Variants in DHTKD1 observed in about 807,000 individuals in gnomAD.
The protein encoded by DHTKD1 is dehydrogenase E1 and transketolase domain containing 1.
DHTKD1 carries 78 observed loss-of-function variants against 101.8 expected under a neutral mutation model. The observed-to-expected ratio is 0.77, with a 90% CI of 0.64 to 0.93. The LOEUF (loss-of-function observed/expected upper bound fraction) is 0.93, where lower values mean the gene tolerates loss of function less well. DHTKD1 is among the 40% of genes least tolerant of loss of function. The pLI is 0.00. For synonymous variants in DHTKD1, 462 were observed against 450.3 expected (o/e 1.03, Z -0.33); for missense variants, 1,223 against 1,161.7 (o/e 1.05, Z -0.77).
At position 12,103,828 on chromosome 10, in the gene DHTKD1, A is replaced by AT. The variant is rs1229455188; in HGVS notation, c.1897-2411dup. On this transcript the variant is annotated intron_variant, in intron 10 of 16. Transcript: ENST00000263035. This position sits in a 1 kb window ranked among gnomAD's most constrained non-coding sequence, Gnocchi z 4.8. Reference sequence around the variant, plus strand: ...GCCGTGCCCAGCCTAGAGGGTTTTTATTTTTTTAAGTAAAAGCTTTATTGA... The same window carrying AT: ...GCCGTGCCCAGCCTAGAGGGTTTTTATTTTTTTTAAGTAAAAGCTTTATTGA... Among the ~76,000 whole-genome samples, 1 of 151,912 alleles carries AT rather than the reference A, an allele frequency of 6.6e-6. No homozygotes were observed. The highest frequency in any genetic ancestry group is 2.4e-5 in the African/African-American group (1 of 41,346).
At chr10:12,069,922 C>G (rs1456271456) in intron 1 of DHTKD1, among the ~76,000 whole-genome samples, 1 of 152,050 alleles carries the variant, frequency 6.6e-6, no homozygotes, top group Admixed American at 6.6e-5. Flanking sequence ...AGGACCATCT[C>G]TGAGGCTTCT....
rs555266227 is a variant in DHTKD1, at chr10:12,074,040, A to C, written c.154+4853A>C. Reference sequence around the variant, plus strand: ...TGGCTTCGTTACGGACTTAAACATCAAATCTAATTCCTGTGACCTTTTGCA... The same window carrying C: ...TGGCTTCGTTACGGACTTAAACATCCAATCTAATTCCTGTGACCTTTTGCA... On this transcript the variant is annotated intron_variant, in intron 1 of 16. Coordinates refer to ENST00000263035, the MANE Select transcript of DHTKD1 (RefSeq NM_018706.7). 5.3e-5 allele frequency among the ~76,000 whole-genome samples: 8 copies of C among 152,312 alleles called. No individual in the cohort carries two copies. In the East Asian group the frequency reaches 1.5e-3, roughly 29 times the overall value.
At chr10:12,086,943 T>C (rs942344816) in intron 3 of DHTKD1, among the ~76,000 whole-genome samples, 2 of 152,186 alleles carry the variant, frequency 1.3e-5, no homozygotes, top group African/African-American at 4.8e-5. Flanking sequence ...TGCCTTGGCC[T>C]CCCGAAGTGC....
chr10:12,120,916 T>C lies in DHTKD1; in HGVS notation c.*28T>C. ...ATGACTTTTGAAGAAACACTATTTCTCTTTAAGAAAATGGCCATTAAGGCC... is the reference window on the plus strand; with the variant it reads ...ATGACTTTTGAAGAAACACTATTTCCCTTTAAGAAAATGGCCATTAAGGCC... On this transcript the variant is annotated 3_prime_UTR_variant, in exon 17 of 17. Coordinates refer to ENST00000263035, the MANE Select transcript of DHTKD1 (RefSeq NM_018706.7). The C allele has an allele frequency of 6.2e-7, 1 of 1,608,584 alleles. No homozygotes were observed. The highest frequency in any genetic ancestry group is 8.5e-7 in the Non-Finnish European group (1 of 1,176,290).
At position 12,098,401 on chromosome 10, in the gene DHTKD1, G is replaced by A. The variant is rs2062985; in HGVS notation, c.1671+405G>A. ...CCCCCTAAACATGCTCATGTTTTACGTATTGTCTTAGGATCACTATAGGAT... is the reference window on the plus strand; with the variant it reads ...CCCCCTAAACATGCTCATGTTTTACATATTGTCTTAGGATCACTATAGGAT... On this transcript the variant is annotated intron_variant, in intron 8 of 16. Coordinates refer to ENST00000263035, the MANE Select transcript of DHTKD1 (RefSeq NM_018706.7). 9.9e-3 allele frequency among the ~76,000 whole-genome samples: 1,509 copies of A among 152,222 alleles called. 69 individuals carry two copies. The highest frequency in any genetic ancestry group is 0.078 in the Admixed American group (1,193 of 15,268).
intron 12 of DHTKD1, among the ~76,000 whole-genome samples, chr10:12,109,803 A>C (rs753404361): frequency 6.6e-6 from 1 of 151,984 alleles, no homozygotes; most frequent in Non-Finnish European, 1.5e-5. Flanking sequence ...GTCTCTACTA[A>C]AAATAAATAA....
chr10:12,076,259 C>G (rs1471543183), intron 1 of DHTKD1, among the ~76,000 whole-genome samples: 1 of 152,164 alleles, frequency 6.6e-6, no homozygotes, highest in East Asian at 1.9e-4. Context: ...GGGCGGATCA[C>G]GAGGTCAGGA....
At position 12,094,626 on chromosome 10, in the gene DHTKD1, C is replaced by G. The variant is rs1406514623; in HGVS notation, c.1358+355C>G. Among the ~76,000 whole-genome samples the G allele has an allele frequency of 3.9e-5, 6 of 152,266 alleles. No homozygotes were observed. In the South Asian group the frequency reaches 1.2e-3, roughly 32 times the overall value. Reference sequence around the variant, plus strand: ...TGCTGGGATTACAGGCATGAGCCACCATGCCCAGGCAGGACATGAAACTTT... The same window carrying G: ...TGCTGGGATTACAGGCATGAGCCACGATGCCCAGGCAGGACATGAAACTTT... On this transcript the variant is annotated intron_variant, in intron 7 of 16. Transcript: ENST00000263035.
chr10:12,100,287 G>GTTTTTTTTTTTTGTTT lies in DHTKD1; in HGVS notation c.1756+37_1756+38insGTTTTTTTTTTTTTTT, dbSNP rs1554793010. 6.1e-4 allele frequency: 165 copies of GTTTTTTTTTTTTGTTT among 272,118 alleles called. 1 individual carries two copies. The highest frequency in any genetic ancestry group is 4.2e-3 in the Middle Eastern group (3 of 706). 16.9% of individuals were successfully genotyped at this position (272,118 alleles called of 1,614,324 possible). A position where few individuals can be genotyped will look rare whatever the true frequency, so the allele number is the denominator to read the frequency against. On this transcript the variant is annotated intron_variant, in intron 9 of 16. Transcript: ENST00000263035. ...GGTAAGAATTTTCTTTTTTTTTTCT[G>GTTTTTTTTTTTTGTTT]TTTTTTTTTTTTTTGAGTCTCACCC...
intron 10 of DHTKD1, among the ~76,000 whole-genome samples, chr10:12,104,833 G>A (rs1164624870): frequency 6.6e-6 from 1 of 151,788 alleles, no homozygotes; most frequent in East Asian, 1.9e-4. Context: ...AATGAACACA[G>A]ACATGACTAC....
In DHTKD1 at chr10:12,111,973, G is replaced by T. The variant is rs565563075; in HGVS notation, c.2155-927G>T. The stretch of plus-strand genomic sequence containing the variant: ...AAGTGGGGATTAACTAGGTTTATGG[G>T]TTGGAGTGAAGGGTCATGGGAATCA... On this transcript the variant is annotated intron_variant, in intron 12 of 16. Transcript: ENST00000263035. Among the ~76,000 whole-genome samples, 3 of 152,166 alleles carry T rather than the reference G, an allele frequency of 2.0e-5. No homozygotes were observed. The East Asian group carries it at 5.8e-4, about 29-fold the overall frequency.
At chr10:12,096,471 G>A (rs1195438072) in intron 7 of DHTKD1, among the ~76,000 whole-genome samples, 1 of 151,944 alleles carries the variant, frequency 6.6e-6, no homozygotes, top group African/African-American at 2.4e-5. Context: ...CTGTAGCCTC[G>A]ACTTCCTGGG....
At chr10:12,076,676 C>T (rs974729838) in intron 1 of DHTKD1, among the ~76,000 whole-genome samples, 1 of 151,258 alleles carries the variant, frequency 6.6e-6, no homozygotes, top group Non-Finnish European at 1.5e-5. Context: ...CTTTTTTTCT[C>T]GGGACGGAGT....
chr10:12,081,520 A>T lies in DHTKD1; in HGVS notation c.203A>T (p.His68Leu). 1 of 1,614,142 alleles carries T rather than the reference A, an allele frequency of 6.2e-7. No homozygotes were observed. The highest frequency in any genetic ancestry group is 2.2e-5 in the East Asian group (1 of 44,878). ...RLVTVYCEHG[H>L]KAAKINPLFT... ...GTGACAGTATATTGTGAGCATGGTC[A>T]TAAAGCTGCCAAAATCAACCCCCTC... The change falls in exon 2 of 17, where the codon CAT (histidine) becomes CTT (leucine). Residue 68 changes from histidine to leucine, a missense_variant. Transcript: ENST00000263035.
rs1241283763 is a variant in DHTKD1, at chr10:12,122,539, AC to A, written c.*1654del. ...AGGCTGAGGCAGGAGAATCGCTTGA[AC>A]CCAGGAGGTGGAGGTTGCAGTGAGC... On this transcript the variant is annotated 3_prime_UTR_variant, in exon 17 of 17. Transcript: ENST00000263035. The A allele has an allele frequency of 6.6e-6, 1 of 152,030 alleles. No homozygotes were observed. Among genetic ancestry groups the A allele is most frequent in the Non-Finnish European group, 1.5e-5 (1 of 68,084 alleles). 9.4% of individuals were successfully genotyped at this position (152,030 alleles called of 1,614,324 possible). A position where few individuals can be genotyped will look rare whatever the true frequency, so the allele number is the denominator to read the frequency against.
chr10:12,114,763 CTTGGTTGGTTGGTTGGTTGG>C (rs140140326), intron 13 of DHTKD1, among the ~76,000 whole-genome samples: 9 of 150,382 alleles, frequency 6.0e-5, no homozygotes, highest in Non-Finnish European at 1.0e-4. Flanking sequence ...GCTTCCACCC[CTTGGTTGGTTGGTTGGTTGG>C]TTGGTTGGTT....
rs199768968 is a variant in DHTKD1, at chr10:12,069,066, G to A, written c.33G>A (p.Arg11=). ...CTGCTACTGCGGCAGCAGCACGACG[G>A]GGCCTCGGCCGGGCTCTCCCTCTCT... is the stretch of plus-strand genomic sequence containing the variant. The part of the protein sequence containing the change: MASATAAAAR[R]GLGRALPLFW... Residue 11 remains arginine (R), a synonymous_variant, in exon 1 of 17, where the codon CGG becomes CGA. Coordinates refer to ENST00000263035, the MANE Select transcript of DHTKD1 (RefSeq NM_018706.7). 3.5e-4 allele frequency: 559 copies of A among 1,613,094 alleles called. 1 individual carries two copies. The highest frequency in any genetic ancestry group is 4.4e-4 in the Non-Finnish European group (517 of 1,179,632).
intron 12 of DHTKD1, among the ~76,000 whole-genome samples, chr10:12,108,696 T>C (rs1039007239): frequency 1.3e-5 from 2 of 152,218 alleles, no homozygotes; most frequent in African/African-American, 2.4e-5. Flanking sequence ...ATGAAGACTT[T>C]CAGATATACA....
Position 12,087,335 on chromosome 10 carries a change from C to T in DHTKD1, c.523-200C>T, listed in dbSNP as rs1370966195. Reference sequence around the variant, plus strand: ...TGCCGCTCAGGTTATTCTCCTCAGCCCCTCCTACTGTCCCGGATCCTAGGA... The same window carrying T: ...TGCCGCTCAGGTTATTCTCCTCAGCTCCTCCTACTGTCCCGGATCCTAGGA... On this transcript the variant is annotated intron_variant, in intron 3 of 16. Transcript: ENST00000263035. This position sits in a 1 kb window ranked among gnomAD's most constrained non-coding sequence, Gnocchi z 5.2. 6.6e-6 allele frequency among the ~76,000 whole-genome samples: 1 copy of T among 152,026 alleles called. No individual in the cohort carries two copies. The highest frequency in any genetic ancestry group is 1.5e-5 in the Non-Finnish European group (1 of 67,990).
Sources: gnomAD v4.1 joint callset for allele counts (sites outside exome capture counted in the v4.1 genomes callset) on GRCh38, gnomAD v4.1.1 for gene constraint, Gnocchi (gnomAD v3.1) non-coding constraint, MANE v1.5 for transcripts, NCBI Gene and HGNC (gene_info 2026-07-23, HGNC 2026-07-21) for gene names.